The following GTF2A1L variants were observed in gnomAD, a reference collection of about 807,000 sequenced individuals.
The protein encoded by GTF2A1L is TFIIA-alpha and beta-like factor.
Under a neutral mutation model 49.7 loss-of-function variants are expected in GTF2A1L, and 48 were observed. The observed-to-expected ratio is 0.97, with a 90% CI of 0.77 to 1.23. GTF2A1L has a LOEUF of 1.23. Among genes scored for constraint, GTF2A1L ranks in the 50% most tolerant of loss-of-function variants. The pLI is 0.00. For missense variants in GTF2A1L, 736 were observed against 564.8 expected (o/e 1.30, Z -3.07); for synonymous variants, 246 against 193.5 (o/e 1.27, Z -2.25).
At chr2:48,656,530 T>C (rs1558750944) in intron 6 of GTF2A1L, among the ~76,000 whole-genome samples, 1 of 152,066 alleles carries the variant, frequency 6.6e-6, no homozygotes, top group Non-Finnish European at 1.5e-5. Flanking sequence ...TTGCCCATTT[T>C]TTTAAAATTG....
Position 48,679,352 on chromosome 2 carries a change from C to T in GTF2A1L, c.1347C>T (p.Asn449=), listed in dbSNP as rs1679643470. The T allele has an allele frequency of 2.5e-6, 4 of 1,609,868 alleles. No individual in the cohort carries two copies. In the Admixed American group the frequency reaches 6.7e-5, roughly 27 times the overall value. Residue 449 remains asparagine, a synonymous_variant, in exon 9 of 9, where the codon AAC becomes AAT. Transcript: ENST00000403751. ...CCCTCCAGATTCATCGAAGCAAGAA[C>T]AAATGGAAATTCTATTTGAAAGATG... The part of the protein sequence containing the change: ...CQYDKIHRSK[N]KWKFYLKDGV...
At chr2:48,671,472 G>T in intron 7 of GTF2A1L, 119 bp from the exon 8 acceptor site, 1 of 1,005,990 alleles carries the variant, frequency 9.9e-7, no homozygotes, top group Non-Finnish European at 1.4e-6. Context: ...CCGTAGTGCT[G>T]GGATTATAGG....
At chr2:48,657,732 C>G (rs1435421825) in intron 6 of GTF2A1L, among the ~76,000 whole-genome samples, 1 of 150,352 alleles carries the variant, frequency 6.7e-6, no homozygotes, top group African/African-American at 2.4e-5. Flanking sequence ...ACAAACATTC[C>G]TTTTCCTCTG....
At chr2:48,617,946 T>G in intron 1 of GTF2A1L, 51 bp downstream of exon 1, 1 of 1,538,414 alleles carries the variant, frequency 6.5e-7, no homozygotes, top group South Asian at 1.2e-5. Flanking sequence ...GGACTCCGGG[T>G]TCACGGCAGC....
At chr2:48,666,584 G>GGTGTGTGTGTGT (rs113492704) in intron 6 of GTF2A1L, among the ~76,000 whole-genome samples, 6 of 147,046 alleles carry the variant, frequency 4.1e-5, no homozygotes, top group Non-Finnish European at 7.5e-5. Context: ...AACTTGTCAG[G>GGTGTGTGTGTGT]GTGTGTGTGT....
Position 48,644,127 on chromosome 2 carries a change from C to G in GTF2A1L, c.304-906C>G, listed in dbSNP as rs1368850675. The stretch of plus-strand genomic sequence containing the variant: ...TGGAGATTACAGTGAGTTATGATTG[C>G]ACCACTGCTCTTCAGCCTGGGCAAC... On this transcript the variant is annotated intron_variant, in intron 4 of 8. Transcript: ENST00000403751. 2.6e-5 allele frequency among the ~76,000 whole-genome samples: 4 copies of G among 152,270 alleles called. No individual in the cohort carries two copies. The South Asian group carries it at 8.3e-4, about 32-fold the overall frequency.
In GTF2A1L at chr2:48,646,771, A is replaced by G. The variant is rs1052637041; in HGVS notation, c.707A>G (p.Gln236Arg). The G allele has an allele frequency of 1.3e-5, 21 of 1,614,092 alleles. No individual in the cohort carries two copies. The Admixed American group carries it at 1.8e-4, about 14-fold the overall frequency. Residue 236 changes from glutamine to arginine, a missense_variant, in exon 6 of 9, where the codon CAG (glutamine) becomes CGG (arginine). Transcript: ENST00000403751. ...GTGCCTGAAGCTTTGTTGTGTCATC[A>G]GGAAAGTTCTCACTATATCAGTCTT... ...KIVPEALLCH[Q>R]ESSHYISLPG...
chr2:48,640,537 G>A (rs879286805), intron 3 of GTF2A1L, among the ~76,000 whole-genome samples: 6 of 152,170 alleles, frequency 3.9e-5, no homozygotes, highest in Admixed American at 3.9e-4. Context: ...AAGGGTGGAG[G>A]GTGGGCGGGG....
intron 3 of GTF2A1L, among the ~76,000 whole-genome samples, chr2:48,637,674 A>G (rs1423568438): frequency 6.6e-6 from 1 of 152,198 alleles, no homozygotes; most frequent in African/African-American, 2.4e-5. Context: ...CAAAAGATTA[A>G]TGAATCCAGG....
At chr2:48,636,474 G>T (rs554956694) in intron 3 of GTF2A1L, among the ~76,000 whole-genome samples, 2 of 152,264 alleles carry the variant, frequency 1.3e-5, no homozygotes, top group South Asian at 2.1e-4. Context: ...AGAATAAAGT[G>T]ACCACTTGCA....
intron 6 of GTF2A1L, among the ~76,000 whole-genome samples, chr2:48,656,996 C>A (rs1005092486): frequency 2.6e-5 from 4 of 152,148 alleles, no homozygotes; most frequent in Non-Finnish European, 4.4e-5. Context: ...GGAAAATTGA[C>A]GTTTTATGTA....
chr2:48,623,034 A>G (rs1046008256), intron 3 of GTF2A1L, among the ~76,000 whole-genome samples: 2 of 152,134 alleles, frequency 1.3e-5, no homozygotes, highest in African/African-American at 4.8e-5. Flanking sequence ...TACATTTTAA[A>G]TAGTTTTTCT....
rs958109029 is a variant in GTF2A1L at position 48,677,785 on chromosome 2, A to G, written c.1330-1550A>G. ...AGTGGTAGAAGTTTTTGGAATATGA[A>G]TATGTTTTGTAGGTAGAACTAACAC... On this transcript the variant is annotated intron_variant, in intron 8 of 8. Transcript: ENST00000403751. Among the ~76,000 whole-genome samples, 6 of 151,948 alleles carry G rather than the reference A, an allele frequency of 3.9e-5. No homozygotes were observed. The South Asian group carries it at 1.2e-3, about 31-fold the overall frequency.
intron 4 of GTF2A1L, among the ~76,000 whole-genome samples, chr2:48,644,186 C>T (rs939385275): frequency 6.6e-6 from 1 of 152,048 alleles, no homozygotes; most frequent in South Asian, 2.1e-4. Flanking sequence ...AATAAAAATG[C>T]AAAACATTTA....
rs1676494659 is a variant in GTF2A1L at position 48,630,120 on chromosome 2, A to C, written c.247+8830A>C. On this transcript the variant is annotated intron_variant, in intron 3 of 8. Transcript: ENST00000403751. The stretch of plus-strand genomic sequence containing the variant: ...TCAGGCTCCTTGTTGGTTCCATATG[A>C]ATTTTAGAACAGTTTTTTTCTAGTT... 2.1e-5 allele frequency among the ~76,000 whole-genome samples: 3 copies of C among 144,192 alleles called. 1 individual carries two copies. The Admixed American group carries it at 2.1e-4, about 10-fold the overall frequency. 94.6% of individuals were successfully genotyped at this position (144,192 alleles called of 152,430 possible). A position where few individuals can be genotyped will look rare whatever the true frequency, so the allele number is the denominator to read the frequency against.
Position 48,620,879 on chromosome 2 carries a change from AT to A in GTF2A1L, c.51del (p.Asp17GlufsTer2). On this transcript the variant is annotated frameshift_variant, in exon 2 of 9. Coordinates refer to ENST00000403751, the MANE Select transcript of GTF2A1L (RefSeq NM_006872.5). LOFTEE classifies it high-confidence loss of function. ...AAACTCTACAGATCTGTAATTGAAG[AT>A]GTAATTGAAGGAGTTCGGAATCTAT... ...VPKLYRSVIE[D>X]VIEGVRNLFA... The A allele has an allele frequency of 6.3e-7, 1 of 1,596,878 alleles. No individual in the cohort carries two copies. Among genetic ancestry groups the A allele is most frequent in the Non-Finnish European group, 8.5e-7 (1 of 1,172,074 alleles).
chr2:48,646,457 C>A lies in GTF2A1L; in HGVS notation c.393C>A (p.His131Gln), dbSNP rs372106551. 6 of 1,593,312 alleles carry A rather than the reference C, an allele frequency of 3.8e-6. No homozygotes were observed. Among genetic ancestry groups the A allele is most frequent in the Non-Finnish European group, 5.1e-6 (6 of 1,173,264 alleles). ...TTTTGCTTTCTCCTTTTTAAGGTCA[C>A]CTTTATAAAGTCAATGTACCAATTA... ...AGVTLQTVSG[H>Q]LYKVNVPIMV... Residue 131 changes from histidine to glutamine, a missense_variant, in exon 6 of 9, where the codon CAC becomes CAA. Physicochemically the swap from His to Gln is conservative, Grantham distance 24. Transcript: ENST00000403751.
chr2:48,673,562 C>T (rs989164991), intron 8 of GTF2A1L, among the ~76,000 whole-genome samples: 2 of 151,940 alleles, frequency 1.3e-5, no homozygotes, highest in Non-Finnish European at 2.9e-5. Flanking sequence ...TGGGGTTTCA[C>T]CGTGTTAGCC....
rs1451251248 is a variant in GTF2A1L, at chr2:48,646,665, C to A, written c.601C>A (p.Pro201Thr). 6.2e-7 allele frequency: 1 copy of A among 1,614,078 alleles called. No homozygotes were observed. The highest frequency in any genetic ancestry group is 1.7e-5 in the Admixed American group (1 of 60,012). ...ETVLQQPAIL[P>T]SGPVDRKHLE... ...CGTGCTACAGCAACCCGCAATTCTA[C>A]CTTCTGGGCCAGTAGATAGGAAACA... is the stretch of plus-strand genomic sequence containing the variant. Residue 201 changes from proline (P) to threonine (T), a missense_variant, in exon 6 of 9, where the codon CCT becomes ACT. Coordinates refer to ENST00000403751, the MANE Select transcript of GTF2A1L (RefSeq NM_006872.5).
Sources: gnomAD v4.1 joint callset for allele counts (sites outside exome capture counted in the v4.1 genomes callset) on GRCh38, gnomAD v4.1.1 for gene constraint, MANE v1.5 for transcripts, NCBI Gene and HGNC (gene_info 2026-07-23, HGNC 2026-07-21) for gene names.